Variants in RAB44 observed in about 807,000 individuals in gnomAD.
RAB44 encodes ras-related protein Rab-44.
Under a neutral mutation model 93.3 loss-of-function variants are expected in RAB44, and 67 were observed. The ratio of observed to expected loss-of-function variants is 0.72; its 90% CI spans 0.59 to 0.88. The LOEUF (loss-of-function observed/expected upper bound fraction) is 0.88. RAB44 is among the 40% of genes least tolerant of loss of function. The probability of loss-of-function intolerance (pLI) is 0.00; values close to 1 mark genes in which losing one functional copy is unlikely to be tolerated. For synonymous variants in RAB44, 427 were observed against 520.3 expected (o/e 0.82, Z 2.44); for missense variants, 1,064 against 1,261.7 (o/e 0.84, Z 2.37).
In RAB44 at chr6:36,722,224, C is replaced by T. The variant is rs1013185712; in HGVS notation, c.2090C>T (p.Ser697Leu). The change falls in exon 9 of 14, where the codon TCG becomes TTG. Residue 697 changes from serine to leucine, a missense_variant. Ser to Leu is a moderately radical substitution (Grantham distance 145). Transcript: ENST00000612677. ...QDLSSEQSEQ[S>L]VEAHGLETAH... ...CTCAGTTCAGAGCAGTCAGAGCAGT[C>T]GGTTGAGGCTCACGGCCTAGAAACT... is the stretch of plus-strand genomic sequence containing the variant. 5.0e-5 allele frequency: 63 copies of T among 1,261,522 alleles called. No homozygotes were observed. Among genetic ancestry groups the T allele is most frequent in the South Asian group, 2.1e-4 (6 of 28,038 alleles). The allele number at this position is 1,261,522 out of a possible 1,614,324, so 78.1% of individuals were successfully genotyped here.
intron 12 of RAB44, among the ~76,000 whole-genome samples, chr6:36,729,766 A>T (rs1405246059): frequency 6.6e-6 from 1 of 152,210 alleles, no homozygotes; most frequent in Non-Finnish European, 1.5e-5. Flanking sequence ...TACAGGCGTG[A>T]GCCACCATGC....
intron 1 of RAB44, among the ~76,000 whole-genome samples, chr6:36,702,856 A>G (rs1762547029): frequency 6.6e-6 from 1 of 152,152 alleles, no homozygotes; most frequent in Non-Finnish European, 1.5e-5. Context: ...TTATCAATTG[A>G]CTGAACTAAG....
chr6:36,715,666 C>A lies in RAB44; in HGVS notation c.494+13C>A, dbSNP rs1019081229. The A allele has an allele frequency of 1.3e-6, 2 of 1,535,008 alleles. No homozygotes were observed. Among genetic ancestry groups the A allele is most frequent in the Admixed American group, 2.0e-5 (1 of 50,978 alleles). On this transcript the variant is annotated intron_variant, in intron 4 of 13. Transcript: ENST00000612677. ...ACTTACTTCCCAAGTAAGGCCAGGGCGGCATGTGCATGGGGAGAGGCTCTG... is the reference window on the plus strand; with the variant it reads ...ACTTACTTCCCAAGTAAGGCCAGGGAGGCATGTGCATGGGGAGAGGCTCTG...
rs1260254786 is a variant in RAB44, at chr6:36,713,874, T to A, written c.254T>A (p.Ile85Asn). The stretch of plus-strand genomic sequence containing the variant: ...GGCAGCAAGGAAGAGTCAGAGATGA[T>A]CTTCGACTGGGTGGATGTGGAGCGG... Reference protein sequence around the residue: ...FLGSKEESEMIFDWVDVERKG... With the variant: ...FLGSKEESEMNFDWVDVERKG... The change falls in exon 3 of 14, where the codon ATC (isoleucine) becomes AAC (asparagine). Residue 85 changes from isoleucine to asparagine, a missense_variant. By Grantham distance (149) the Ile-to-Asn change is moderately radical. Coordinates refer to ENST00000612677, the MANE Select transcript of RAB44 (RefSeq NM_001257357.2). The A allele has an allele frequency of 3.9e-6, 6 of 1,536,098 alleles. No individual in the cohort carries two copies. The Admixed American group carries it at 5.9e-5, about 15-fold the overall frequency.
rs1762891527 is a variant in RAB44, at chr6:36,715,469, T to C, written c.320-10T>C. 6.5e-7 allele frequency: 1 copy of C among 1,536,038 alleles called. No homozygotes were observed. The highest frequency in any genetic ancestry group is 2.4e-5 in the East Asian group (1 of 40,924). ...CACTGTGCTCCCCTCTGTCCACTTC[T>C]GTCCCACAGAAAACATCTTTGGCTC... On this transcript the variant is annotated splice_polypyrimidine_tract_variant and intron_variant, in intron 3 of 13. Coordinates refer to ENST00000612677, the MANE Select transcript of RAB44 (RefSeq NM_001257357.2).
rs1489628093 is a variant in RAB44, at chr6:36,721,138, G to C, written c.1017-13G>C. ...GCCCCTCCCCGATCTTTGCTTCCCT[G>C]CTTCATTTCCAGTTTTCCTGGAGCG... On this transcript the variant is annotated splice_polypyrimidine_tract_variant and intron_variant, in intron 8 of 13. Transcript: ENST00000612677. 1 of 1,233,972 alleles carries C rather than the reference G, an allele frequency of 8.1e-7. No homozygotes were observed. The highest frequency in any genetic ancestry group is 1.6e-5 in the African/African-American group (1 of 64,374). The allele number at this position is 1,233,972 out of a possible 1,614,324, so 76.4% of individuals were successfully genotyped here.
chr6:36,720,405 G>T lies in RAB44; in HGVS notation c.871G>T (p.Ala291Ser). The change falls in exon 8 of 14, where the codon GCT (alanine) becomes TCT (serine). Residue 291 changes from alanine to serine, a missense_variant. Ala to Ser is a moderately conservative substitution (Grantham distance 99). Coordinates refer to ENST00000612677, the MANE Select transcript of RAB44 (RefSeq NM_001257357.2). ...LSHLRSTHQE[A>S]ASENQQLQEA... ...CCACCTCAGGAGCACACATCAGGAG[G>T]CTGCCTCAGAGAACCAGCAGCTGCA... 8.1e-7 allele frequency: 1 copy of T among 1,232,562 alleles called. No homozygotes were observed. Among genetic ancestry groups the T allele is most frequent in the Non-Finnish European group, 1.0e-6 (1 of 988,226 alleles). 76.4% of individuals were successfully genotyped at this position (1,232,562 alleles called of 1,614,324 possible).
Position 36,717,562 on chromosome 6 carries a change from C to A in RAB44, c.641+143C>A, listed in dbSNP as rs990368983. ...AGAGCTGCGCTGGAGGAAGAGGTGGCTCAGGGGACCGGGTGGGGAGGACAG... is the reference window on the plus strand; with the variant it reads ...AGAGCTGCGCTGGAGGAAGAGGTGGATCAGGGGACCGGGTGGGGAGGACAG... On this transcript the variant is annotated intron_variant, in intron 5 of 13. Transcript: ENST00000612677. This position sits in a 1 kb window ranked among gnomAD's most constrained non-coding sequence, Gnocchi z 4.1. 2 of 966,410 alleles carry A rather than the reference C, an allele frequency of 2.1e-6. No homozygotes were observed. Among genetic ancestry groups the A allele is most frequent in the Non-Finnish European group, 2.7e-6 (2 of 746,630 alleles). 59.9% of individuals were successfully genotyped at this position (966,410 alleles called of 1,614,324 possible).
intron 1 of RAB44, among the ~76,000 whole-genome samples, chr6:36,703,248 G>A (rs1582607545): frequency 6.6e-6 from 1 of 152,264 alleles, no homozygotes; most frequent in Non-Finnish European, 1.5e-5. Context: ...CATGAGGACG[G>A]TGCCCCCATG....
chr6:36,725,407 A>G (rs918703969), intron 9 of RAB44, among the ~76,000 whole-genome samples: 16 of 152,228 alleles, frequency 1.1e-4, no homozygotes, highest in African/African-American at 3.6e-4. Context: ...TTTGCAGACA[A>G]GGAAAGAGAG....
intron 2 of RAB44, 61 bp from the exon 3 acceptor site, chr6:36,713,767 T>G: frequency 9.6e-7 from 1 of 1,042,526 alleles, no homozygotes; most frequent in Non-Finnish European, 1.4e-6. Flanking sequence ...CATCTCTCCG[T>G]TTTGGAGGGT....
In RAB44 at chr6:36,713,907, A is replaced by G. The variant is rs573937191; in HGVS notation, c.287A>G (p.His96Arg). ...FDWVDVERKG[H>R]LSLEEFSSGL... is the part of the protein sequence containing the mutation. ...TGGGTGGATGTGGAGCGGAAGGGAC[A>G]CCTGTCCCTTGAAGAATTCAGCTCT... Residue 96 changes from histidine to arginine, a missense_variant, in exon 3 of 14, where the codon CAC becomes CGC. Transcript: ENST00000612677. 4.4e-5 allele frequency: 68 copies of G among 1,535,480 alleles called. No homozygotes were observed. In the South Asian group the frequency reaches 7.9e-4, roughly 18 times the overall value.
rs562296224 is a variant in RAB44, at chr6:36,727,669, G to A, written c.2774G>A (p.Arg925His). 4.5e-5 allele frequency: 70 copies of A among 1,550,302 alleles called. No homozygotes were observed. The Middle Eastern group carries it at 5.0e-4, about 11-fold the overall frequency. ...ITSQESFAHV[R>H]YWLDCLQDAG... ...TCCCAGGAGAGCTTTGCCCACGTGC[G>A]CTACTGGCTAGACTGTCTCCAGGTG... Residue 925 changes from arginine (R) to histidine (H), a missense_variant, in exon 11 of 14, where the codon CGC becomes CAC. Arg to His is a conservative substitution (Grantham distance 29, BLOSUM62 0). Transcript: ENST00000612677.
intron 2 of RAB44, among the ~76,000 whole-genome samples, 184 bp downstream of exon 2, chr6:36,704,626 C>A (rs983404146): frequency 2.0e-5 from 3 of 152,124 alleles, no homozygotes. Context: ...TTATGTGTTG[C>A]CCTTTTCCAG....
chr6:36,727,525 A>T (rs1485653663), intron 10 of RAB44, 52 bp from the exon 11 acceptor site: 1 of 1,310,892 alleles, frequency 7.6e-7, no homozygotes, highest in Non-Finnish European at 1.1e-6. Flanking sequence ...TGCAGAGGCC[A>T]GGGCCTGGGG....
chr6:36,711,753 A>G (rs2150329828), intron 2 of RAB44, among the ~76,000 whole-genome samples: 1 of 152,144 alleles, frequency 6.6e-6, no homozygotes, highest in South Asian at 2.1e-4. Flanking sequence ...AGAGTTAAAG[A>G]CCTTTCGGGC....
In RAB44 at chr6:36,721,343, AC is replaced by A. The variant is rs1437064113; in HGVS notation, c.1213del (p.Arg405ValfsTer34). ...CAAGAGCCACCTCAGGCCCCCAGAC[AC>A]CCCGTGTGGTCAGGCAGATCTCCAT... ...TPRATSGPQTPRVVRQISISE... is the reference protein window; with the variant it reads ...TPRATSGPQTXRVVRQISISE... On this transcript the variant is annotated frameshift_variant, in exon 9 of 14. Coordinates refer to ENST00000612677, the MANE Select transcript of RAB44 (RefSeq NM_001257357.2). LOFTEE classifies it high-confidence loss of function. The A allele has an allele frequency of 8.7e-7, 1 of 1,143,300 alleles. No individual in the cohort carries two copies. The highest frequency in any genetic ancestry group is 1.1e-6 in the Non-Finnish European group (1 of 936,416). The allele number at this position is 1,143,300 out of a possible 1,614,324, so 70.8% of individuals were successfully genotyped here.
At chr6:36,725,401 C>T (rs1763212501) in intron 9 of RAB44, among the ~76,000 whole-genome samples, 1 of 151,990 alleles carries the variant, frequency 6.6e-6, no homozygotes, top group East Asian at 1.9e-4. Context: ...TGCCACTTTG[C>T]AGACAAGGAA....
At chr6:36,704,541 C>G in intron 2 of RAB44, 99 bp downstream of exon 2, 1 of 1,100,200 alleles carries the variant, frequency 9.1e-7, no homozygotes, top group Middle Eastern at 2.9e-4. Context: ...CTACCCCTGC[C>G]CCTTTCTCTC....
Sources: gnomAD v4.1 joint callset for allele counts (sites outside exome capture counted in the v4.1 genomes callset) on GRCh38, gnomAD v4.1.1 for gene constraint, Gnocchi (gnomAD v3.1) non-coding constraint, MANE v1.5 for transcripts, NCBI Gene and HGNC (gene_info 2026-07-23, HGNC 2026-07-21) for gene names.